Variants in ABTB2 observed in about 807,000 individuals in gnomAD.
ABTB2 encodes the protein ankyrin repeat and BTB domain containing 2, also known as ankyrin repeat and BTB/POZ domain-containing protein 2.
Under a neutral mutation model 104.1 loss-of-function variants are expected in ABTB2, and 56 were observed. The ratio of observed to expected loss-of-function variants is 0.54; its 90% confidence interval spans 0.43 to 0.67. The LOEUF is 0.67. ABTB2 is among the 30% of genes least tolerant of loss of function. The pLI is 0.00. For missense variants in ABTB2, 1,279 were observed against 1,407.7 expected, an observed-to-expected ratio of 0.91 and a Z score of 1.46; for synonymous variants, 606 against 608.2, an observed-to-expected ratio of 1.00 and a Z score of 0.05.
intron 1 of ABTB2, among the ~76,000 whole-genome samples, chr11:34,322,694 G>A (rs550154281): frequency 4.4e-4 from 67 of 152,224 alleles, no homozygotes; most frequent in Non-Finnish European, 2.8e-4. Flanking sequence ...GTAAGGAAAC[G>A]CTTTTTTCTC....
At chr11:34,267,708 G>A (rs1177917390) in intron 1 of ABTB2, among the ~76,000 whole-genome samples, 1 of 152,144 alleles carries the variant, frequency 6.6e-6, no homozygotes, top group Admixed American at 6.5e-5. Context: ...GGCCAACCAG[G>A]TGCTATCTGA....
chr11:34,316,932 G>A (rs1048788540), intron 1 of ABTB2, among the ~76,000 whole-genome samples: 7 of 152,148 alleles, frequency 4.6e-5, no homozygotes, highest in African/African-American at 1.7e-4. Flanking sequence ...GGAGGCACAT[G>A]GGAAAGAACA....
rs1396371163 is a variant in ABTB2 at position 34,173,432 on chromosome 11, G to A, written c.1245-125C>T. On this transcript the variant is annotated intron_variant, in intron 3 of 16. Coordinates refer to ENST00000435224, the MANE Select transcript of ABTB2 (RefSeq NM_145804.3). ...AGAGAGGGTCAGTCCTAGGGTGGGG[G>A]GCTCCCTGCTGGGCAGCAGAGGGTC... 3 of 1,221,928 alleles carry A rather than the reference G, an allele frequency of 2.5e-6. No homozygotes were observed. In the African/African-American group the frequency reaches 4.6e-5, roughly 19 times the overall value. The allele number at this position is 1,221,928 out of a possible 1,614,324, so 75.7% of individuals were successfully genotyped here. A position where few individuals can be genotyped will look rare whatever the true frequency, so the allele number is the denominator to read the frequency against.
chr11:34,271,106 A>G (rs539874272), intron 1 of ABTB2, among the ~76,000 whole-genome samples: 1 of 152,148 alleles, frequency 6.6e-6, no homozygotes, highest in Non-Finnish European at 1.5e-5. Flanking sequence ...GATGGCGGGG[A>G]AGTGCAGGAA....
At chr11:34,158,798 C>T (rs1193879752) in intron 14 of ABTB2, among the ~76,000 whole-genome samples, 3 of 152,364 alleles carry the variant, frequency 2.0e-5, no homozygotes, top group South Asian at 2.1e-4. Flanking sequence ...CTCACGGCCA[C>T]GTGTTTGACC....
intron 1 of ABTB2, among the ~76,000 whole-genome samples, chr11:34,208,804 A>G (rs1565141466): frequency 6.6e-6 from 1 of 151,828 alleles, no homozygotes; most frequent in Non-Finnish European, 1.5e-5. Flanking sequence ...CCCATCAACC[A>G]CCAAGCCTTG....
At chr11:34,270,351 T>C (rs1488884046) in intron 1 of ABTB2, among the ~76,000 whole-genome samples, 1 of 151,758 alleles carries the variant, frequency 6.6e-6, no homozygotes, top group East Asian at 1.9e-4. Flanking sequence ...TTTTTTTTTT[T>C]TTTTTTGAGA....
chr11:34,350,348 C>T (rs1388766996), intron 1 of ABTB2, among the ~76,000 whole-genome samples: 1 of 152,234 alleles, frequency 6.6e-6, no homozygotes, highest in Non-Finnish European at 1.5e-5. Flanking sequence ...TTCTCTCCTT[C>T]ATGTATTAGC....
intron 2 of ABTB2, among the ~76,000 whole-genome samples, chr11:34,199,581 C>T (rs141080339): frequency 6.6e-6 from 1 of 152,328 alleles, no homozygotes; most frequent in African/African-American, 2.4e-5. Flanking sequence ...CACAGTTGGC[C>T]TCAAATCAGG....
intron 1 of ABTB2, among the ~76,000 whole-genome samples, chr11:34,346,811 T>C (rs770276291): frequency 5.9e-5 from 9 of 152,198 alleles, no homozygotes; most frequent in Non-Finnish European, 1.3e-4. Flanking sequence ...CAAATCCTCA[T>C]AGCTCTGTAC....
intron 16 of ABTB2, among the ~76,000 whole-genome samples, chr11:34,153,987 C>T (rs576545269): frequency 3.5e-4 from 53 of 152,316 alleles, no homozygotes; most frequent in Non-Finnish European, 6.3e-4. Context: ...GGCTCAGCAA[C>T]TTGTCCAGCT....
chr11:34,287,380 A>G (rs915871481), intron 1 of ABTB2, among the ~76,000 whole-genome samples: 2 of 152,082 alleles, frequency 1.3e-5, no homozygotes, highest in African/African-American at 4.8e-5. Context: ...CCAACATGGC[A>G]AAACCCTGTC....
At chr11:34,351,048 A>G (rs551715448) in intron 1 of ABTB2, among the ~76,000 whole-genome samples, 1 of 152,334 alleles carries the variant, frequency 6.6e-6, no homozygotes, top group African/African-American at 2.4e-5. Flanking sequence ...ATAGAGGCGA[A>G]GCATCTACCC....
chr11:34,241,141 A>G, intron 1 of ABTB2, among the ~76,000 whole-genome samples: 1 of 152,212 alleles, frequency 6.6e-6, no homozygotes, highest in Non-Finnish European at 1.5e-5. Context: ...TCTCAGCTCT[A>G]GCAGTTCCTG....
chr11:34,308,883 A>AAG (rs1554924879), intron 1 of ABTB2, among the ~76,000 whole-genome samples: 5 of 150,292 alleles, frequency 3.3e-5, no homozygotes, highest in African/African-American at 1.2e-4. Context: ...AAAAAAAAAA[A>AAG]AAAAGAAAAG....
At chr11:34,269,458 C>T (rs1379251158) in intron 1 of ABTB2, among the ~76,000 whole-genome samples, 1 of 152,200 alleles carries the variant, frequency 6.6e-6, no homozygotes, top group Non-Finnish European at 1.5e-5. Flanking sequence ...GCCTCTGCCC[C>T]TCCATGACCT....
intron 3 of ABTB2, among the ~76,000 whole-genome samples, chr11:34,179,080 C>CAAAA (rs111676312): frequency 2.0e-4 from 20 of 98,646 alleles, no homozygotes; most frequent in African/African-American, 2.5e-4. Context: ...AACTCCAACT[C>CAAAA]AAAAAAAAAA....
In ABTB2 at chr11:34,357,707, G is replaced by A; in HGVS notation, c.-124C>T. The A allele has an allele frequency of 8.9e-7, 1 of 1,128,904 alleles. No homozygotes were observed. The highest frequency in any genetic ancestry group is 1.2e-6 in the Non-Finnish European group (1 of 863,890). The allele number at this position is 1,128,904 out of a possible 1,614,324, so 69.9% of individuals were successfully genotyped here. A position where few individuals can be genotyped will look rare whatever the true frequency, so the allele number is the denominator to read the frequency against. On this transcript the variant is annotated 5_prime_UTR_variant, in exon 1 of 17. Coordinates refer to ENST00000435224, the MANE Select transcript of ABTB2 (RefSeq NM_145804.3). ...CACCCTCCTTCCTCTCTGCGTCGCGGGGCTCGGCGGCCGCATTGCCTGCCC... is the reference window on the plus strand; with the variant it reads ...CACCCTCCTTCCTCTCTGCGTCGCGAGGCTCGGCGGCCGCATTGCCTGCCC...
chr11:34,152,912 C>G (rs903843535), intron 16 of ABTB2, among the ~76,000 whole-genome samples: 1 of 152,178 alleles, frequency 6.6e-6, no homozygotes, highest in Non-Finnish European at 1.5e-5. Flanking sequence ...TGGCATGTGA[C>G]TGTGCACATG....
Sources: gnomAD v4.1 joint callset for allele counts (sites outside exome capture counted in the v4.1 genomes callset) on GRCh38, gnomAD v4.1.1 for gene constraint, MANE v1.5 for transcripts, NCBI Gene and HGNC (gene_info 2026-07-23, HGNC 2026-07-21) for gene names.